The following EPHA6 variants were observed in gnomAD, a reference collection of about 807,000 sequenced individuals.
EPHA6 encodes the protein ephrin type-A receptor 6.
In EPHA6, 50 loss-of-function variants were observed where a neutral mutation model predicts 112.0. The ratio of observed to expected loss-of-function variants is 0.45; its 90% confidence interval spans 0.36 to 0.56. EPHA6 has a LOEUF of 0.56. EPHA6 is among the 20% of genes least tolerant of loss of function. The pLI is 0.00. For missense variants in EPHA6, 1,280 were observed against 1,417.4 expected (o/e 0.90, Z 1.56); for synonymous variants, 529 against 490.7 (o/e 1.08, Z -1.03).
intron 10 of EPHA6, among the ~76,000 whole-genome samples, chr3:97,511,465 G>A (rs929545640): frequency 9.9e-5 from 15 of 152,126 alleles, no homozygotes; most frequent in African/African-American, 3.1e-4. Context: ...CTTCCCTAGT[G>A]AGGCAACACC....
intron 5 of EPHA6, among the ~76,000 whole-genome samples, chr3:97,283,362 C>T (rs1393572509): frequency 6.6e-6 from 1 of 152,008 alleles, no homozygotes; most frequent in African/African-American, 2.4e-5. Flanking sequence ...TTATGAGATT[C>T]ATTGAATCAT....
At chr3:97,182,417 G>T (rs1197662586) in intron 3 of EPHA6, among the ~76,000 whole-genome samples, 1 of 151,208 alleles carries the variant, frequency 6.6e-6, no homozygotes, top group Non-Finnish European at 1.5e-5. Flanking sequence ...AAGGGCAACA[G>T]TATTGAAAAA....
chr3:97,588,046 A>G (rs973757048), intron 11 of EPHA6, among the ~76,000 whole-genome samples: 7 of 152,216 alleles, frequency 4.6e-5, no homozygotes, highest in African/African-American at 1.7e-4. Context: ...TATTATCAGT[A>G]TATTTTATTT....
chr3:97,133,123 G>A (rs890772164), intron 3 of EPHA6, among the ~76,000 whole-genome samples: 3 of 152,012 alleles, frequency 2.0e-5, no homozygotes, highest in Non-Finnish European at 2.9e-5. Flanking sequence ...AGAATTTTCC[G>A]ATGAGATAGT....
chr3:97,631,947 A>G (rs1177858360), intron 13 of EPHA6, among the ~76,000 whole-genome samples: 2 of 152,010 alleles, frequency 1.3e-5, no homozygotes, highest in Non-Finnish European at 2.9e-5. Flanking sequence ...GCTTGACATC[A>G]GTGATTCTCC....
intron 4 of EPHA6, among the ~76,000 whole-genome samples, chr3:97,239,635 G>C (rs2078783765): frequency 6.6e-6 from 1 of 151,894 alleles, no homozygotes; most frequent in African/African-American, 2.4e-5. Context: ...AGTGGATCAT[G>C]ATGAAGGTCT....
In EPHA6 at chr3:97,488,089, T is replaced by C. The variant is rs938718687; in HGVS notation, c.2200+4030T>C. On this transcript the variant is annotated intron_variant, in intron 10 of 17. Coordinates refer to ENST00000389672, the MANE Select transcript of EPHA6 (RefSeq NM_001080448.3). The stretch of plus-strand genomic sequence containing the variant: ...AGTATAATTTTGAAACATTATTCCA[T>C]TGAAAAAATGATTCTTGTGTCGCTA... 3.2e-4 allele frequency among the ~76,000 whole-genome samples: 48 copies of C among 152,202 alleles called. 1 individual carries two copies. Among genetic ancestry groups the C allele is most frequent in the African/African-American group, 1.1e-3 (46 of 41,456 alleles).
At chr3:97,052,299 A>G (rs1278432512) in intron 3 of EPHA6, among the ~76,000 whole-genome samples, 1 of 152,066 alleles carries the variant, frequency 6.6e-6, no homozygotes. Context: ...CTCCTGTATG[A>G]TGACTGTTTA....
chr3:97,099,785 GA>G (rs2047350287), intron 3 of EPHA6, among the ~76,000 whole-genome samples: 1 of 151,996 alleles, frequency 6.6e-6, no homozygotes, highest in African/African-American at 2.4e-5. Context: ...TGAAGTGTAA[GA>G]TGGAAGTAAC....
intron 6 of EPHA6, among the ~76,000 whole-genome samples, chr3:97,423,477 A>G: frequency 6.6e-6 from 1 of 152,196 alleles, no homozygotes; most frequent in East Asian, 1.9e-4. Flanking sequence ...TGATAAATAT[A>G]AAACGCTGCT....
chr3:97,270,452 T>C (rs1489711508), intron 5 of EPHA6, among the ~76,000 whole-genome samples: 1 of 152,234 alleles, frequency 6.6e-6, no homozygotes, highest in African/African-American at 2.4e-5. Context: ...ATTAATGATA[T>C]GTGTAATCTT....
intron 16 of EPHA6, 123 bp downstream of exon 16, chr3:97,736,241 G>A: frequency 9.9e-6 from 6 of 605,496 alleles, no homozygotes; most frequent in East Asian, 6.2e-5. Context: ...TTGACTTTGT[G>A]GAAACCATAT....
intron 2 of EPHA6, among the ~76,000 whole-genome samples, chr3:96,973,021 A>G (rs548647362): frequency 6.6e-6 from 1 of 152,288 alleles, no homozygotes; most frequent in African/African-American, 2.4e-5. Context: ...GTTCTCCAAG[A>G]AAAGAAAGCC....
At chr3:97,067,143 A>G (rs1421756762) in intron 3 of EPHA6, among the ~76,000 whole-genome samples, 5 of 152,050 alleles carry the variant, frequency 3.3e-5, no homozygotes, top group Admixed American at 6.6e-5. Context: ...TAAATTTCCA[A>G]AGTGTTCATA....
intron 2 of EPHA6, among the ~76,000 whole-genome samples, chr3:96,917,418 C>CAAAAAAAAAA (rs5851049): frequency 6.9e-5 from 4 of 58,072 alleles, no homozygotes; most frequent in African/African-American, 2.4e-4. Context: ...GACTCCATCT[C>CAAAAAAAAAA]AAAAAAAAAA....
intron 3 of EPHA6, among the ~76,000 whole-genome samples, chr3:97,039,124 A>G (rs2045219748): frequency 6.6e-6 from 1 of 152,070 alleles, no homozygotes; most frequent in South Asian, 2.1e-4. Flanking sequence ...TATCAACAAC[A>G]TAGACAAAAT....
chr3:96,954,825 C>G (rs553486507), intron 2 of EPHA6, among the ~76,000 whole-genome samples: 5 of 113,900 alleles, frequency 4.4e-5, no homozygotes, highest in Admixed American at 1.2e-4. Context: ...CTCGCTCTGT[C>G]GCCCAGGCCG....
At chr3:96,856,424 G>T (rs2035701716) in intron 1 of EPHA6, among the ~76,000 whole-genome samples, 1 of 151,486 alleles carries the variant, frequency 6.6e-6, no homozygotes, top group South Asian at 2.1e-4. Flanking sequence ...AAGAAACCTT[G>T]GAAAAAAAAT....
At chr3:97,455,859 A>T (rs567190924) in intron 7 of EPHA6, among the ~76,000 whole-genome samples, 2 of 152,072 alleles carry the variant, frequency 1.3e-5, no homozygotes, top group Non-Finnish European at 2.9e-5. Context: ...TGACAAAAAA[A>T]AAAAAGATAT....
Sources: allele counts gnomAD v4.1 joint callset (sites outside exome capture counted in the v4.1 genomes callset), GRCh38; gene constraint gnomAD v4.1.1; transcripts MANE v1.5; gene names NCBI Gene and HGNC (gene_info 2026-07-23, HGNC 2026-07-21).